EXOC4: variants seen among roughly 807,000 people sequenced by gnomAD.
The protein encoded by EXOC4 is exocyst complex component 4.
EXOC4 carries 71 observed loss-of-function variants against 107.2 expected under a neutral mutation model. The ratio of observed to expected loss-of-function variants is 0.66; its 90% confidence interval spans 0.55 to 0.81. EXOC4 has a LOEUF of 0.81. EXOC4 is among the 30% of genes least tolerant of loss of function. EXOC4 has a pLI of 0.00. For synonymous variants in EXOC4, 456 were observed against 441.2 expected (o/e 1.03, Z -0.42); for missense variants, 1,108 against 1,189.6 (o/e 0.93, Z 1.01).
chr7:133,651,488 G>T (rs1473525492), intron 10 of EXOC4, among the ~76,000 whole-genome samples: 2 of 152,060 alleles, frequency 1.3e-5, no homozygotes, highest in African/African-American at 4.8e-5. Flanking sequence ...CATAAGAAAA[G>T]GATTGTTGAC....
chr7:134,080,815 A>G, the EXOC4 span, among the ~76,000 whole-genome samples: 1 of 151,860 alleles, frequency 6.6e-6, no homozygotes, highest in South Asian at 2.1e-4. Flanking sequence ...GCATGGTAGT[A>G]CCCACCTGTA....
At chr7:133,899,128 C>G (rs566343831) in intron 12 of EXOC4, among the ~76,000 whole-genome samples, 2 of 148,762 alleles carry the variant, frequency 1.3e-5, no homozygotes, top group Admixed American at 6.7e-5. Context: ...CCCTCTTTTT[C>G]TAGTAAGTTG....
intron 7 of EXOC4, among the ~76,000 whole-genome samples, chr7:133,402,466 T>A (rs1413198995): frequency 4.6e-5 from 7 of 152,224 alleles, no homozygotes; most frequent in Non-Finnish European, 8.8e-5. Flanking sequence ...TCAGGATTTC[T>A]TGGGTGGGAC....
intron 9 of EXOC4, among the ~76,000 whole-genome samples, chr7:133,521,086 A>G (rs1260925150): frequency 1.3e-5 from 2 of 152,182 alleles, no homozygotes; most frequent in Non-Finnish European, 2.9e-5. Context: ...GCTACTGGAA[A>G]TGACAGTGTT....
At chr7:133,562,963 T>C (rs1800837779) in intron 9 of EXOC4, among the ~76,000 whole-genome samples, 1 of 152,182 alleles carries the variant, frequency 6.6e-6, no homozygotes, top group African/African-American at 2.4e-5. Context: ...CTGGGATGAC[T>C]GTGGTGATGC....
rs534102570 is a variant in EXOC4 at position 133,620,608 on chromosome 7, G to A, written c.1418-9437G>A. On this transcript the variant is annotated intron_variant, in intron 9 of 17. Coordinates refer to ENST00000253861, the MANE Select transcript of EXOC4 (RefSeq NM_021807.4). The stretch of plus-strand genomic sequence containing the variant: ...TTAAATGTGGTGTATACATCCATTG[G>A]AATATTATTCTTCCATAAAAGGAAA... Among the ~76,000 whole-genome samples the A allele has an allele frequency of 3.9e-5, 6 of 152,172 alleles. No homozygotes were observed. In the South Asian group the frequency reaches 1.2e-3, roughly 32 times the overall value.
intron 11 of EXOC4, among the ~76,000 whole-genome samples, chr7:133,838,243 A>G (rs1797957662): frequency 1.3e-5 from 2 of 152,220 alleles, no homozygotes; most frequent in African/African-American, 2.4e-5. Context: ...GGCCCAGACC[A>G]TCTCTCAGCG....
intron 10 of EXOC4, among the ~76,000 whole-genome samples, chr7:133,691,085 C>T (rs952119301): frequency 7.9e-5 from 12 of 152,274 alleles, no homozygotes; most frequent in Admixed American, 4.6e-4. Context: ...CAAAATAATC[C>T]TTGTGTTTGA....
At chr7:133,932,150 G>A (rs939389905) in intron 13 of EXOC4, among the ~76,000 whole-genome samples, 9 of 152,126 alleles carry the variant, frequency 5.9e-5, no homozygotes, top group South Asian at 2.1e-4. Context: ...GACAGTTTGC[G>A]GGGATTCTGA....
At chr7:133,792,092 G>A (rs1351130075) in intron 10 of EXOC4, among the ~76,000 whole-genome samples, 2 of 152,086 alleles carry the variant, frequency 1.3e-5, no homozygotes, top group Non-Finnish European at 2.9e-5. Flanking sequence ...AGACCCAGCA[G>A]TTTTACTCGT....
At chr7:133,807,567 A>G (rs532875049) in intron 10 of EXOC4, among the ~76,000 whole-genome samples, 1 of 152,108 alleles carries the variant, frequency 6.6e-6, no homozygotes, top group South Asian at 2.1e-4. Flanking sequence ...TTTCTTGGAA[A>G]TTTTTCTGAC....
At chr7:133,585,756 C>T (rs929720851) in intron 9 of EXOC4, among the ~76,000 whole-genome samples, 11 of 152,096 alleles carry the variant, frequency 7.2e-5, no homozygotes, top group Admixed American at 2.0e-4. Context: ...TGCAGTGGTG[C>T]GATCTCAGCT....
chr7:133,453,616 C>G (rs1798397107), intron 7 of EXOC4, among the ~76,000 whole-genome samples: 1 of 151,922 alleles, frequency 6.6e-6, no homozygotes. Flanking sequence ...TCTACTTTAA[C>G]AATATTTTCT....
At chr7:133,833,729 AT>A (rs1410608449) in intron 11 of EXOC4, among the ~76,000 whole-genome samples, 4 of 151,956 alleles carry the variant, frequency 2.6e-5, no homozygotes, top group African/African-American at 9.7e-5. Context: ...CACCCACCTA[AT>A]TTTTTTGTAT....
At chr7:133,610,748 G>A (rs530732665) in intron 9 of EXOC4, among the ~76,000 whole-genome samples, 31 of 151,766 alleles carry the variant, frequency 2.0e-4, no homozygotes, top group African/African-American at 7.2e-4. Flanking sequence ...ACAGTAACTA[G>A]CATTTATAAT....
intron 13 of EXOC4, among the ~76,000 whole-genome samples, chr7:133,934,281 A>G (rs888557744): frequency 6.6e-6 from 1 of 152,208 alleles, no homozygotes; most frequent in Non-Finnish European, 1.5e-5. Context: ...TGACACACAC[A>G]AATCCTCGAA....
At chr7:133,905,589 CG>C (rs982257778) in intron 12 of EXOC4, among the ~76,000 whole-genome samples, 86 of 152,222 alleles carry the variant, frequency 5.6e-4, no homozygotes, top group Middle Eastern at 6.8e-3. Context: ...TCGCAGTTTT[CG>C]GAAGTTTCTC....
At chr7:133,697,262 A>T (rs899060432) in intron 10 of EXOC4, among the ~76,000 whole-genome samples, 6 of 152,102 alleles carry the variant, frequency 3.9e-5, no homozygotes, top group African/African-American at 1.2e-4. Flanking sequence ...CTGTTTTTTT[A>T]AATTTTTTGT....
chr7:133,565,633 A>T (rs999833846), intron 9 of EXOC4, among the ~76,000 whole-genome samples: 1 of 152,228 alleles, frequency 6.6e-6, no homozygotes, highest in African/African-American at 2.4e-5. Flanking sequence ...AATATGTCCC[A>T]TGCAATATTT....
Sources: gnomAD v4.1 joint callset for allele counts (sites outside exome capture counted in the v4.1 genomes callset) on GRCh38, gnomAD v4.1.1 for gene constraint, MANE v1.5 for transcripts, NCBI Gene and HGNC (gene_info 2026-07-23, HGNC 2026-07-21) for gene names.